The following YTHDC2 variants were observed in gnomAD, a reference collection of about 807,000 sequenced individuals.
YTHDC2 encodes 3'-5' RNA helicase YTHDC2.
A neutral mutation model predicts 174.9 loss-of-function variants in YTHDC2; 45 were observed. The observed-to-expected ratio is 0.26, with a 90% CI of 0.20 to 0.33. YTHDC2 has a LOEUF of 0.33. YTHDC2 is among the 10% of genes least tolerant of loss of function. The probability of loss-of-function intolerance (pLI) is 1.00; values close to 1 mark genes in which losing one functional copy is unlikely to be tolerated. For missense variants in YTHDC2, 1,650 were observed against 1,723.7 expected (o/e 0.96, Z 0.76); for synonymous variants, 657 against 574.5 (o/e 1.14, Z -2.05).
At chr5:113,534,894 C>CT (rs1186052664) in intron 6 of YTHDC2, among the ~76,000 whole-genome samples, 3 of 152,060 alleles carry the variant, frequency 2.0e-5, no homozygotes, top group African/African-American at 7.2e-5. Flanking sequence ...GAATTCTAAG[C>CT]TTTTACCTAG....
At chr5:113,560,814 A>T (rs912921376) in intron 17 of YTHDC2, among the ~76,000 whole-genome samples, 5 of 152,156 alleles carry the variant, frequency 3.3e-5, no homozygotes, top group Non-Finnish European at 7.4e-5. Context: ...TTTTATATGT[A>T]TGCTATTTCT....
chr5:113,584,555 A>C (rs1160585009), intron 26 of YTHDC2, 76 bp downstream of exon 26: 4 of 1,254,126 alleles, frequency 3.2e-6, no homozygotes, highest in Non-Finnish European at 4.4e-6. Flanking sequence ...AAAATTGTAA[A>C]ACAATTAGAG....
intron 23 of YTHDC2, among the ~76,000 whole-genome samples, chr5:113,571,157 A>G (rs190756158): frequency 1.3e-5 from 2 of 152,250 alleles, no homozygotes; most frequent in Admixed American, 1.3e-4. Flanking sequence ...ATGTTCCTTT[A>G]CTACCTAGTT....
chr5:113,514,723 G>A (rs1346595515), intron 1 of YTHDC2, among the ~76,000 whole-genome samples: 4 of 152,112 alleles, frequency 2.6e-5, no homozygotes, highest in African/African-American at 9.7e-5. Flanking sequence ...AACGGGGAAT[G>A]TTCTAGACAG....
rs1324001378 is a variant in YTHDC2, at chr5:113,594,740, ATTC to A, written c.*1269_*1271del. On this transcript the variant is annotated 3_prime_UTR_variant, in exon 30 of 30. Transcript: ENST00000161863. ...GCACTTCTCATGATACATTTTAGTT[ATTC>A]TTATAAAAGCAAACAGGCAAACATG... The A allele has an allele frequency of 6.6e-6, 1 of 151,170 alleles. No individual in the cohort carries two copies. The highest frequency in any genetic ancestry group is 2.5e-5 in the African/African-American group (1 of 40,502). 9.4% of individuals were successfully genotyped at this position (151,170 alleles called of 1,614,324 possible).
chr5:113,560,119 T>C (rs774375178), intron 17 of YTHDC2, among the ~76,000 whole-genome samples: 39 of 152,212 alleles, frequency 2.6e-4, no homozygotes, highest in Non-Finnish European at 5.3e-4. Context: ...GGCAATTTTA[T>C]GAAAGTTTTT....
chr5:113,571,829 A>G (rs912877694), intron 23 of YTHDC2, among the ~76,000 whole-genome samples: 2 of 152,074 alleles, frequency 1.3e-5, no homozygotes, highest in African/African-American at 2.4e-5. Context: ...GATCCCTTGT[A>G]TCATTTTTAT....
chr5:113,545,232 G>A (rs1775778444), intron 10 of YTHDC2, among the ~76,000 whole-genome samples: 1 of 152,056 alleles, frequency 6.6e-6, no homozygotes, highest in Admixed American at 6.5e-5. Context: ...TGTTCAAGCA[G>A]TTATAATCCT....
At chr5:113,520,764 A>G (rs1369005717) in intron 2 of YTHDC2, among the ~76,000 whole-genome samples, 3 of 152,172 alleles carry the variant, frequency 2.0e-5, no homozygotes, top group African/African-American at 2.4e-5. Flanking sequence ...GTGTGGATAT[A>G]GTTTATTTTT....
chr5:113,561,265 C>CCTG, intron 18 of YTHDC2, 80 bp downstream of exon 18: 1 of 1,061,304 alleles, frequency 9.4e-7, no homozygotes, highest in Non-Finnish European at 1.3e-6. Context: ...TGGATTAGGC[C>CCTG]TTTAAAAAAT....
At position 113,592,126 on chromosome 5, in the gene YTHDC2, T is replaced by C; in HGVS notation, c.4160T>C (p.Leu1387Ser). ...ESLPFQFAHHLLNPWNDNKKV... is the reference protein window; with the variant it reads ...ESLPFQFAHHSLNPWNDNKKV... ...CTTCCCTTTCAATTTGCACACCATT[T>C]ACTCAATCCATGGAATGACAACAAG... is the stretch of plus-strand genomic sequence containing the variant. Residue 1387 changes from leucine (L) to serine (S), a missense_variant, in exon 28 of 30, where the codon TTA becomes TCA. Coordinates refer to ENST00000161863, the MANE Select transcript of YTHDC2 (RefSeq NM_022828.5). 6.2e-7 allele frequency: 1 copy of C among 1,613,268 alleles called. No homozygotes were observed. The highest frequency in any genetic ancestry group is 8.5e-7 in the Non-Finnish European group (1 of 1,179,556).
At chr5:113,524,643 C>T (rs576284541) in intron 2 of YTHDC2, among the ~76,000 whole-genome samples, 1 of 152,090 alleles carries the variant, frequency 6.6e-6, no homozygotes, top group African/African-American at 2.4e-5. Context: ...TTGATTTTCC[C>T]CCTCTGTATG....
At chr5:113,558,363 T>G (rs1561671069) in intron 17 of YTHDC2, among the ~76,000 whole-genome samples, 1 of 152,208 alleles carries the variant, frequency 6.6e-6, no homozygotes, top group East Asian at 1.9e-4. Flanking sequence ...AGTAGGAGGC[T>G]TCTTCATTAA....
At chr5:113,532,752 G>T in intron 4 of YTHDC2, 127 bp from the exon 5 acceptor site, 4 of 785,172 alleles carry the variant, frequency 5.1e-6, no homozygotes, top group Non-Finnish European at 7.6e-6. Flanking sequence ...CATGAATGTT[G>T]TTGATTTTAT....
chr5:113,553,852 A>G lies in YTHDC2; in HGVS notation c.2050A>G (p.Ile684Val). The G allele has an allele frequency of 6.3e-7, 1 of 1,595,526 alleles. No individual in the cohort carries two copies. The highest frequency in any genetic ancestry group is 8.5e-7 in the Non-Finnish European group (1 of 1,176,278). Residue 684 changes from isoleucine (I) to valine (V), a missense_variant and splice_region_variant, in exon 15 of 30, where the codon ATA becomes GTA. Around this residue, in one of 5 missense-constraint regions of YTHDC2, gnomAD observed 913 missense variants for 940.4 expected, o/e 0.97. Coordinates refer to ENST00000161863, the MANE Select transcript of YTHDC2 (RefSeq NM_022828.5). ...LKNPPAGVRK[I>V]ILSTNIAETS... is the part of the protein sequence containing the mutation. ...AAACCCACCTGCAGGTGTTCGAAAA[A>G]TAGTAAGCTTCATAAAATCTTCTTT...
At position 113,553,170 on chromosome 5, in the gene YTHDC2, TTTTTTTTC is replaced by T. The variant is rs748700947; in HGVS notation, c.1689-10_1689-3del. 2.9e-6 allele frequency: 4 copies of T among 1,378,144 alleles called. No individual in the cohort carries two copies. Among genetic ancestry groups the T allele is most frequent in the South Asian group, 1.8e-5 (1 of 57,124 alleles). 85.4% of individuals were successfully genotyped at this position (1,378,144 alleles called of 1,614,324 possible). A position where few individuals can be genotyped will look rare whatever the true frequency, so the allele number is the denominator to read the frequency against. ...AATTGACTTTGTCTTTTTTTTTTTT[TTTTTTTTC>T]AGTGCTACACTGGAATTTGGAAATC... On this transcript the variant is annotated splice_polypyrimidine_tract_variant and splice_region_variant and intron_variant, in intron 12 of 29. Transcript: ENST00000161863.
chr5:113,552,025 A>G (rs1305738052), intron 12 of YTHDC2, among the ~76,000 whole-genome samples: 1 of 152,144 alleles, frequency 6.6e-6, no homozygotes, highest in East Asian at 1.9e-4. Context: ...AGAATTTTCT[A>G]ATTAACAGTC....
chr5:113,536,625 C>A (rs1191647804), intron 7 of YTHDC2, among the ~76,000 whole-genome samples: 2 of 152,148 alleles, frequency 1.3e-5, no homozygotes, highest in Non-Finnish European at 2.9e-5. Flanking sequence ...TATCCTTGTT[C>A]CATGTCCTAC....
rs1476684031 is a variant in YTHDC2, at chr5:113,592,021, T to C, written c.4055T>C (p.Ile1352Thr). The change falls in exon 28 of 30, where the codon ATT becomes ACT. Residue 1352 changes from isoleucine (I) to threonine (T), a missense_variant. By Grantham distance (89) the Ile-to-Thr change is moderately conservative. Transcript: ENST00000161863. ...FQGFSRMSSE[I>T]GREKSQDWGS... is the part of the protein sequence containing the mutation. Reference sequence around the variant, plus strand: ...GGATTTTCTAGGATGTCTTCTGAGATTGGAAGGGAAAAGAGTCAGGACTGG... The same window carrying C: ...GGATTTTCTAGGATGTCTTCTGAGACTGGAAGGGAAAAGAGTCAGGACTGG... 7 of 1,609,622 alleles carry C rather than the reference T, an allele frequency of 4.3e-6. No homozygotes were observed. Among genetic ancestry groups the C allele is most frequent in the South Asian group, 2.2e-5 (2 of 90,502 alleles).
Sources: gnomAD v4.1 joint callset for allele counts (sites outside exome capture counted in the v4.1 genomes callset) on GRCh38, gnomAD v4.1.1 for gene constraint, gnomAD v4.1.1 regional missense constraint, MANE v1.5 for transcripts, NCBI Gene and HGNC (gene_info 2026-07-23, HGNC 2026-07-21) for gene names.